Variants in HIP1 observed in about 807,000 individuals in gnomAD.
The protein encoded by HIP1 is huntingtin-interacting protein 1.
HIP1 carries 65 observed loss-of-function variants against 147.6 expected under a neutral mutation model. The observed-to-expected ratio is 0.44, with a 90% CI of 0.36 to 0.54. The LOEUF (loss-of-function observed/expected upper bound fraction) is 0.54. HIP1 is among the 20% of genes least tolerant of loss of function. The probability of loss-of-function intolerance (pLI) is 0.00; values close to 1 mark genes in which losing one functional copy is unlikely to be tolerated. For missense variants in HIP1, 1,061 were observed against 1,299.6 expected, an observed-to-expected ratio of 0.82 and a Z score of 2.82; for synonymous variants, 479 against 504.0, an observed-to-expected ratio of 0.95 and a Z score of 0.67.
intron 1 of HIP1, among the ~76,000 whole-genome samples, chr7:75,609,549 G>A (rs28592992): frequency 0.022 from 3,344 of 151,246 alleles, 132 homozygotes; most frequent in African/African-American, 0.078. Context: ...CAACGGTACC[G>A]TTTTCTTTTT....
At chr7:75,570,023 C>T (rs1408046207) in intron 8 of HIP1, among the ~76,000 whole-genome samples, 2 of 151,958 alleles carry the variant, frequency 1.3e-5, no homozygotes, top group African/African-American at 4.8e-5. Context: ...CAACCTCCGC[C>T]TCCCGGGTTC....
rs138664268 is a variant in HIP1, at chr7:75,608,981, C to T, written c.121-9734G>A. ...CTGTTCTCCTGAATGAGTTACTTCTCCAGTGTGCTAAGGAAAGTGGGGAAC... is the reference window on the plus strand; with the variant it reads ...CTGTTCTCCTGAATGAGTTACTTCTTCAGTGTGCTAAGGAAAGTGGGGAAC... On this transcript the variant is annotated intron_variant, in intron 1 of 30. Coordinates refer to ENST00000336926, the MANE Select transcript of HIP1 (RefSeq NM_005338.7). Among the ~76,000 whole-genome samples the T allele has an allele frequency of 2.6e-4, 39 of 152,300 alleles. 1 individual carries two copies. In the East Asian group the frequency reaches 7.5e-3, roughly 29 times the overall value.
At chr7:75,696,162 A>AT (rs1800627314) in intron 1 of HIP1, among the ~76,000 whole-genome samples, 1 of 149,062 alleles carries the variant, frequency 6.7e-6, no homozygotes. Context: ...TAATGTTTGC[A>AT]TTTTTTGTAG....
chr7:75,656,374 G>C (rs1799140185), intron 1 of HIP1, among the ~76,000 whole-genome samples: 1 of 151,568 alleles, frequency 6.6e-6, no homozygotes, highest in Non-Finnish European at 1.5e-5. Flanking sequence ...CTCACTCTGG[G>C]GGAGAAACAT....
intron 21 of HIP1, among the ~76,000 whole-genome samples, chr7:75,553,823 C>T (rs1299921124): frequency 1.3e-5 from 2 of 151,952 alleles, no homozygotes; most frequent in Non-Finnish European, 2.9e-5. Flanking sequence ...AGGCTGGTCT[C>T]GAACTCCTGA....
intron 1 of HIP1, among the ~76,000 whole-genome samples, chr7:75,675,899 TAATA>T (rs1195423776): frequency 1.3e-5 from 2 of 152,128 alleles, no homozygotes; most frequent in Non-Finnish European, 2.9e-5. Context: ...GAGGATCACT[TAATA>T]AATAAATAAA....
chr7:75,559,331 G>C (rs1362583762), intron 14 of HIP1, among the ~76,000 whole-genome samples: 1 of 152,088 alleles, frequency 6.6e-6, no homozygotes, highest in Non-Finnish European at 1.5e-5. Flanking sequence ...GCCCGGGTTG[G>C]TCTTGAACTC....
At chr7:75,660,569 T>C (rs1419532863) in intron 1 of HIP1, among the ~76,000 whole-genome samples, 5 of 152,020 alleles carry the variant, frequency 3.3e-5, no homozygotes, top group African/African-American at 1.2e-4. Flanking sequence ...GATTACTTGA[T>C]TGGTAAGAGA....
At chr7:75,666,316 A>T (rs1379208310) in intron 1 of HIP1, among the ~76,000 whole-genome samples, 1 of 151,628 alleles carries the variant, frequency 6.6e-6, no homozygotes, top group Admixed American at 6.6e-5. Flanking sequence ...TTACAGGTGC[A>T]TCATCACCAT....
intron 1 of HIP1, among the ~76,000 whole-genome samples, chr7:75,677,806 A>G (rs1427820844): frequency 6.6e-6 from 1 of 151,792 alleles, no homozygotes; most frequent in African/African-American, 2.4e-5. Flanking sequence ...GAGCCTTTGC[A>G]CACACTGTTT....
chr7:75,730,784 G>A (rs1434088510), intron 1 of HIP1, among the ~76,000 whole-genome samples: 1 of 150,622 alleles, frequency 6.6e-6, no homozygotes, highest in East Asian at 2.0e-4. Flanking sequence ...CCAGGCTGGA[G>A]TGCAGTGGTG....
intron 1 of HIP1, among the ~76,000 whole-genome samples, chr7:75,648,237 G>A (rs1798865817): frequency 6.6e-6 from 1 of 152,090 alleles, no homozygotes; most frequent in Non-Finnish European, 1.5e-5. Context: ...GGGACTAGTT[G>A]GAGTAGCTGA....
chr7:75,688,065 C>T (rs1445744455), intron 1 of HIP1, among the ~76,000 whole-genome samples: 2 of 152,138 alleles, frequency 1.3e-5, no homozygotes, highest in East Asian at 1.9e-4. Context: ...CACTTACCAT[C>T]CCCTCCACAC....
intron 1 of HIP1, among the ~76,000 whole-genome samples, chr7:75,706,219 C>T (rs73145041): frequency 4.0e-4 from 61 of 152,230 alleles, no homozygotes; most frequent in Middle Eastern, 3.4e-3. Context: ...TGAGGAACCA[C>T]CTGACTGTTT....
chr7:75,664,279 T>C lies in HIP1; in HGVS notation c.121-65032A>G, dbSNP rs528480457. Among the ~76,000 whole-genome samples, 1,383 of 139,502 alleles carry C rather than the reference T, an allele frequency of 9.9e-3. 26 individuals are homozygous for C. Among genetic ancestry groups the C allele is most frequent in the African/African-American group, 0.033 (1,300 of 38,812 alleles). The allele number at this position is 139,502 out of a possible 152,430, so 91.5% of individuals were successfully genotyped here. On this transcript the variant is annotated intron_variant, in intron 1 of 30. Coordinates refer to ENST00000336926, the MANE Select transcript of HIP1 (RefSeq NM_005338.7). ...ACACATATATGTATACATACATATA[T>C]ACACACATATATGTATGTATATATG...
intron 1 of HIP1, among the ~76,000 whole-genome samples, chr7:75,647,211 CAAAAAAAAAAAAAAAAAAAAAAAAAA>C (rs60972195): frequency 1.7e-5 from 1 of 57,992 alleles, no homozygotes; most frequent in African/African-American, 6.9e-5. Flanking sequence ...ACTAAAAATA[CAAAAAAAAAAAAAAAAAAAAAAAAAA>C]AAAAAAAAAA....
intron 1 of HIP1, among the ~76,000 whole-genome samples, chr7:75,716,216 C>A (rs547178263): frequency 6.6e-6 from 1 of 152,176 alleles, no homozygotes; most frequent in East Asian, 1.9e-4. Context: ...CACCAATCTA[C>A]GATTCCTGAC....
rs116091294 is a variant in HIP1 at position 75,636,962 on chromosome 7, C to T, written c.121-37715G>A. Among the ~76,000 whole-genome samples the T allele has an allele frequency of 5.6e-3, 858 of 152,280 alleles. 7 individuals are homozygous for T. Among genetic ancestry groups the T allele is most frequent in the African/African-American group, 0.017 (701 of 41,554 alleles). The stretch of plus-strand genomic sequence containing the variant: ...ATGGACTCTGCCCATCCTCTTCCTG[C>T]GATTCTCCCAACAGGCAATGCCTAC... On this transcript the variant is annotated intron_variant, in intron 1 of 30. Coordinates refer to ENST00000336926, the MANE Select transcript of HIP1 (RefSeq NM_005338.7).
Position 75,738,812 on chromosome 7 carries a change from C to T in HIP1, c.109G>A (p.Glu37Lys), listed in dbSNP as rs782458639. ...TCCCCCGTCCTCACCTGAGTCCGCT[C>T]GAAGCTCTCGCGCTCCGCCGCCTCC... ...GLEAAERESF[E>K]RTQTVSINKA... is the part of the protein sequence containing the mutation. Residue 37 changes from glutamate to lysine, a missense_variant, in exon 1 of 31, where the codon GAG becomes AAG. Transcript: ENST00000336926. 7 of 1,601,402 alleles carry T rather than the reference C, an allele frequency of 4.4e-6. No homozygotes were observed. Among genetic ancestry groups the T allele is most frequent in the Non-Finnish European group, 5.1e-6 (6 of 1,175,790 alleles).
Sources: allele counts gnomAD v4.1 joint callset (sites outside exome capture counted in the v4.1 genomes callset), GRCh38; gene constraint gnomAD v4.1.1; transcripts MANE v1.5; gene names NCBI Gene and HGNC (gene_info 2026-07-23, HGNC 2026-07-21).